The following STAT5A variants were observed in gnomAD, a reference collection of about 807,000 sequenced individuals.
The protein encoded by STAT5A is signal transducer and activator of transcription 5A.
A neutral mutation model predicts 100.2 loss-of-function variants in STAT5A; 26 were observed. The observed-to-expected ratio is 0.26, with a 90% CI of 0.19 to 0.36. STAT5A has a LOEUF of 0.36. Among genes scored for constraint, STAT5A ranks in the 10% least tolerant of loss-of-function variants. STAT5A has a pLI of 1.00. For synonymous variants in STAT5A, 330 were observed against 424.3 expected (o/e 0.78, Z 2.73); for missense variants, 634 against 1,027.5 (o/e 0.62, Z 5.24).
rs748826189 is a variant in STAT5A, at chr17:42,300,827, G to A, written c.946G>A (p.Val316Ile). 8 of 1,612,408 alleles carry A rather than the reference G, an allele frequency of 5.0e-6. No homozygotes were observed. In the South Asian group the frequency reaches 7.7e-5, roughly 16 times the overall value. ...CCCAGTGGAGGAGATGCTGGCCGAG[G>A]TCAACGCCACCATCACGGACATTAT... The part of the protein sequence containing the change: ...PGPVEEMLAE[V>I]NATITDIISA... Residue 316 changes from valine (V) to isoleucine (I), a missense_variant, in exon 8 of 19, where the codon GTC becomes ATC. Transcript: ENST00000590949.
chr17:42,304,072 G>T lies in STAT5A; in HGVS notation c.1170-270G>T. ...TTAAGTGCATTAGAAGCTATTGGAA[G>T]TCCCCAAAGCCCTCACATCAATCTT... On this transcript the variant is annotated intron_variant, in intron 9 of 18. Transcript: ENST00000590949. The surrounding 1 kb of genome is among the most constrained non-coding windows in gnomAD (Gnocchi z 4.8). 1 of 478,610 alleles carries T rather than the reference G, an allele frequency of 2.1e-6. No individual in the cohort carries two copies. Among genetic ancestry groups the T allele is most frequent in the Non-Finnish European group, 3.8e-6 (1 of 263,862 alleles). The allele number at this position is 478,610 out of a possible 1,614,324, so 29.6% of individuals were successfully genotyped here. A position where few individuals can be genotyped will look rare whatever the true frequency, so the allele number is the denominator to read the frequency against.
chr17:42,292,153 C>T, intron 4 of STAT5A, 92 bp downstream of exon 4: 2 of 1,455,072 alleles, frequency 1.4e-6, no homozygotes, highest in East Asian at 2.4e-5. Context: ...AAAACAGCAG[C>T]ACGAGGAGAG....
At chr17:42,303,801 A>G (rs953466483) in intron 9 of STAT5A, among the ~76,000 whole-genome samples, 1 of 152,046 alleles carries the variant, frequency 6.6e-6, no homozygotes, top group Admixed American at 6.6e-5. Flanking sequence ...GCTTCTCCAG[A>G]TAAGTGGTCC....
At chr17:42,289,271 A>G in intron 1 of STAT5A, 131 bp from the exon 2 acceptor site, 2 of 1,032,046 alleles carry the variant, frequency 1.9e-6, no homozygotes, top group South Asian at 1.9e-5. Context: ...CCGCACAGGA[A>G]AGCTATCTGT....
intron 13 of STAT5A, among the ~76,000 whole-genome samples, chr17:42,306,830 G>A (rs907966435): frequency 6.6e-6 from 1 of 151,694 alleles, no homozygotes; most frequent in South Asian, 2.1e-4. Context: ...AGTGATTCTC[G>A]TGCCTCAGCC....
chr17:42,305,599 G>A lies in STAT5A; in HGVS notation c.1381-11G>A. On this transcript the variant is annotated splice_polypyrimidine_tract_variant and intron_variant, in intron 11 of 18. Coordinates refer to ENST00000590949, the MANE Select transcript of STAT5A (RefSeq NM_001288718.2). ...ACGCCCCATCAACTTGGGTTCCTTT[G>A]ACTCCTGTAGACTCTGTCCCTACCT... 6.2e-7 allele frequency: 1 copy of A among 1,613,694 alleles called. No individual in the cohort carries two copies. The highest frequency in any genetic ancestry group is 8.5e-7 in the Non-Finnish European group (1 of 1,179,644).
At chr17:42,290,706 C>A (rs746847730) in intron 3 of STAT5A, among the ~76,000 whole-genome samples, 10 of 152,200 alleles carry the variant, frequency 6.6e-5, no homozygotes, top group South Asian at 4.1e-4. Context: ...GTACCTTGAC[C>A]TTGGCATCAG....
intron 3 of STAT5A, 62 bp downstream of exon 3, chr17:42,290,084 C>T: frequency 1.3e-6 from 2 of 1,502,154 alleles, no homozygotes; most frequent in Non-Finnish European, 1.8e-6. Flanking sequence ...GCATCAGAAC[C>T]CCTGGGTTTT....
At chr17:42,292,242 AG>A (rs1377504092) in intron 4 of STAT5A, among the ~76,000 whole-genome samples, 181 bp downstream of exon 4, 2 of 152,206 alleles carry the variant, frequency 1.3e-5, no homozygotes, top group Non-Finnish European at 2.9e-5. Context: ...CCCTGGATCC[AG>A]TCCCTGGCTC....
Position 42,304,742 on chromosome 17 carries a change from G to C in STAT5A, c.1380+90G>C. On this transcript the variant is annotated intron_variant, in intron 11 of 18. Transcript: ENST00000590949. This position sits in a 1 kb window ranked among gnomAD's most constrained non-coding sequence, Gnocchi z 4.8. ...CAGGACTCCTGGCAGCAATGCCATC[G>C]GACAGCCTGCTTTGACTCTGTGGGT... 2 of 1,569,512 alleles carry C rather than the reference G, an allele frequency of 1.3e-6. No homozygotes were observed. The highest frequency in any genetic ancestry group is 2.7e-5 in the African/African-American group (2 of 74,142).
chr17:42,294,516 G>A (rs1409461852), intron 4 of STAT5A, among the ~76,000 whole-genome samples: 1 of 152,200 alleles, frequency 6.6e-6, no homozygotes, highest in Non-Finnish European at 1.5e-5. Flanking sequence ...GAGACAGACA[G>A]AAACATGTAA....
chr17:42,298,436 C>T lies in STAT5A; in HGVS notation c.551-1315C>T, dbSNP rs1376260598. On this transcript the variant is annotated intron_variant, in intron 5 of 18. Transcript: ENST00000590949. Reference sequence around the variant, plus strand: ...TCAGCCTCCCAAAGTGCTGGGATTACAGGCGTAAGCCACCGAGCCTGGCAC... The same window carrying T: ...TCAGCCTCCCAAAGTGCTGGGATTATAGGCGTAAGCCACCGAGCCTGGCAC... Among the ~76,000 whole-genome samples the T allele has an allele frequency of 2.0e-5, 3 of 150,772 alleles. No individual in the cohort carries two copies. In the East Asian group the frequency reaches 5.9e-4, roughly 30 times the overall value.
chr17:42,295,503 T>C (rs2080909896), intron 4 of STAT5A, 116 bp from the exon 5 acceptor site: 1 of 1,123,922 alleles, frequency 8.9e-7, no homozygotes, highest in African/African-American at 1.6e-5. Flanking sequence ...CTAGTTTCCC[T>C]TCTTACCCTA....
chr17:42,308,275 T>C lies in STAT5A; in HGVS notation c.2004T>C (p.Tyr668=), dbSNP rs1229109558. 6.2e-7 allele frequency: 1 copy of C among 1,614,212 alleles called. No homozygotes were observed. Among genetic ancestry groups the C allele is most frequent in the Admixed American group, 1.7e-5 (1 of 60,018 alleles). Residue 668 remains tyrosine (Y), a synonymous_variant, in exon 16 of 19, where the codon TAT becomes TAC. Transcript: ENST00000590949. This position sits in a 1 kb window ranked among gnomAD's most constrained non-coding sequence, Gnocchi z 4.6. ...DRLGDLSYLI[Y]VFPDRPKDEV... ...TGGGGGACCTGAGCTATCTCATCTA[T>C]GTGTTTCCTGACCGCCCCAAGGATG...
chr17:42,300,987 C>T (rs2080972342), intron 8 of STAT5A, 117 bp downstream of exon 8: 2 of 1,554,398 alleles, frequency 1.3e-6, no homozygotes, highest in East Asian at 2.4e-5. Context: ...TCCCTCCCAA[C>T]TCCATCTCCA....
At chr17:42,298,784 GC>G (rs557245912) in intron 5 of STAT5A, among the ~76,000 whole-genome samples, 116 of 152,302 alleles carry the variant, frequency 7.6e-4, no homozygotes, top group African/African-American at 2.5e-3. Context: ...ACTGCGCCCA[GC>G]CCCATGATGG....
intron 4 of STAT5A, among the ~76,000 whole-genome samples, chr17:42,293,183 T>C (rs1040919346): frequency 7.2e-5 from 11 of 152,272 alleles, no homozygotes; most frequent in African/African-American, 2.6e-4. Flanking sequence ...GTCATATTTA[T>C]TATTTCTTTC....
upstream of STAT5A, chr17:42,288,230 T>G (rs2080831541): frequency 6.6e-6 from 1 of 151,834 alleles, no homozygotes; most frequent in Non-Finnish European, 1.5e-5. This position sits in a 1 kb window ranked among gnomAD's most constrained non-coding sequence, Gnocchi z 4.8. Flanking sequence ...CCCGCCCCGG[T>G]TCCGGGACGC....
At chr17:42,292,282 A>C (rs2080876614) in intron 4 of STAT5A, among the ~76,000 whole-genome samples, 1 of 151,940 alleles carries the variant, frequency 6.6e-6, no homozygotes, top group African/African-American at 2.4e-5. Flanking sequence ...TGACTTGAGC[A>C]AGTTGCTTAA....
Sources: allele counts gnomAD v4.1 joint callset (sites outside exome capture counted in the v4.1 genomes callset), GRCh38; gene constraint gnomAD v4.1.1; non-coding constraint Gnocchi (gnomAD v3.1); transcripts MANE v1.5; gene names NCBI Gene and HGNC (gene_info 2026-07-23, HGNC 2026-07-21).